CNTN5: variants seen among roughly 807,000 people sequenced by gnomAD.
CNTN5 encodes contactin-5.
A neutral mutation model predicts 129.1 loss-of-function variants in CNTN5; 77 were observed. That is an observed-to-expected ratio of 0.60 (90% confidence interval 0.50 to 0.72). The LOEUF is 0.72. Among genes scored for constraint, CNTN5 ranks in the 30% least tolerant of loss-of-function variants. The pLI, the probability that CNTN5 is intolerant of heterozygous loss-of-function variation, is 0.00. For missense variants in CNTN5, 1,478 were observed against 1,328.8 expected (o/e 1.11, Z -1.75); for synonymous variants, 509 against 465.6 (o/e 1.09, Z -1.20).
chr11:99,890,757 G>C (rs912438446), intron 6 of CNTN5, among the ~76,000 whole-genome samples: 4 of 152,106 alleles, frequency 2.6e-5, no homozygotes, highest in African/African-American at 4.8e-5. Flanking sequence ...CGGAAAAAGG[G>C]AAAAGGAATA....
chr11:100,138,617 A>G (rs942516093), intron 13 of CNTN5, among the ~76,000 whole-genome samples: 5 of 152,070 alleles, frequency 3.3e-5, no homozygotes, highest in African/African-American at 1.2e-4. Context: ...AGTGATGGGG[A>G]GAGCGGTAGG....
Position 99,465,956 on chromosome 11 carries a change from A to G in CNTN5, c.-70-90189A>G, listed in dbSNP as rs1054145763. ...GAGTGCAGTGGTGCGATCTCGGCTC[A>G]CTGCAAGCTCCGCCTCCTGGGTTCA... On this transcript the variant is annotated intron_variant, in intron 2 of 24. Coordinates refer to ENST00000524871, the MANE Select transcript of CNTN5 (RefSeq NM_014361.4). Among the ~76,000 whole-genome samples, 7 of 140,040 alleles carry G rather than the reference A, an allele frequency of 5.0e-5. 1 individual carries two copies. In the South Asian group the frequency reaches 6.5e-4, roughly 13 times the overall value. 91.9% of individuals were successfully genotyped at this position (140,040 alleles called of 152,430 possible).
chr11:99,542,890 C>G (rs1948162976), intron 2 of CNTN5, among the ~76,000 whole-genome samples: 1 of 152,234 alleles, frequency 6.6e-6, no homozygotes, highest in African/African-American at 2.4e-5. Flanking sequence ...TGGCAGCTCA[C>G]TGCTCCCTTT....
chr11:99,238,371 T>G (rs1484853793), intron 1 of CNTN5, among the ~76,000 whole-genome samples: 2 of 152,176 alleles, frequency 1.3e-5, no homozygotes, highest in African/African-American at 2.4e-5. Flanking sequence ...TGGCATAAAA[T>G]GCAATCTGAA....
chr11:99,344,319 C>T (rs1414924198), intron 2 of CNTN5, among the ~76,000 whole-genome samples: 1 of 151,998 alleles, frequency 6.6e-6, no homozygotes, highest in Non-Finnish European at 1.5e-5. Context: ...CCTTAGTTAA[C>T]TGAAAAGAAT....
intron 3 of CNTN5, among the ~76,000 whole-genome samples, chr11:99,742,516 T>A (rs1943918413): frequency 1.3e-5 from 2 of 152,130 alleles, no homozygotes; most frequent in Admixed American, 1.3e-4. Context: ...AGAGTTGTGG[T>A]AAGAAGGAGG....
At chr11:100,341,295 T>G in intron 23 of CNTN5, 90 bp downstream of exon 23, 1 of 875,112 alleles carries the variant, frequency 1.1e-6, no homozygotes, top group Non-Finnish European at 1.9e-6. Flanking sequence ...AAAAGACCCA[T>G]TAACCAACCT....
chr11:99,409,541 G>A (rs1376197286), intron 2 of CNTN5, among the ~76,000 whole-genome samples: 1 of 152,206 alleles, frequency 6.6e-6, no homozygotes, highest in Non-Finnish European at 1.5e-5. Context: ...CTTTTTGAGA[G>A]GTTAAAGATC....
At chr11:99,656,763 A>G (rs929408587) in intron 3 of CNTN5, among the ~76,000 whole-genome samples, 3 of 152,102 alleles carry the variant, frequency 2.0e-5, no homozygotes, top group African/African-American at 7.2e-5. Context: ...GAGATCAGCA[A>G]ATGACCACAG....
At chr11:99,878,976 G>C (rs767875488) in intron 6 of CNTN5, among the ~76,000 whole-genome samples, 10 of 151,938 alleles carry the variant, frequency 6.6e-5, no homozygotes, top group Non-Finnish European at 1.2e-4. Flanking sequence ...TCTGTCGCTC[G>C]CGCTGGAGTA....
At chr11:99,145,689 C>T (rs1254644024) in intron 1 of CNTN5, among the ~76,000 whole-genome samples, 1 of 152,056 alleles carries the variant, frequency 6.6e-6, no homozygotes, top group Non-Finnish European at 1.5e-5. Flanking sequence ...AGGTAAAAGA[C>T]ATGTCAGCTC....
chr11:99,378,785 T>G (rs563472587), intron 2 of CNTN5, among the ~76,000 whole-genome samples: 23 of 152,262 alleles, frequency 1.5e-4, no homozygotes, highest in African/African-American at 5.3e-4. Context: ...ATAGGTTCAC[T>G]GCAATTAAAT....
At chr11:99,773,284 A>C (rs2135346649) in intron 3 of CNTN5, among the ~76,000 whole-genome samples, 1 of 152,234 alleles carries the variant, frequency 6.6e-6, no homozygotes, top group East Asian at 1.9e-4. Flanking sequence ...CACCAGTGCA[A>C]ATCCCCAAAG....
chr11:99,155,631 G>C (rs981383293), intron 1 of CNTN5, among the ~76,000 whole-genome samples: 1 of 151,814 alleles, frequency 6.6e-6, no homozygotes, highest in Admixed American at 6.6e-5. Flanking sequence ...AAATTTTATT[G>C]TTGCTAGGCT....
At chr11:99,781,582 C>G (rs1174016419) in intron 3 of CNTN5, among the ~76,000 whole-genome samples, 1 of 151,970 alleles carries the variant, frequency 6.6e-6, no homozygotes, top group Non-Finnish European at 1.5e-5. Flanking sequence ...TCTCCTGACC[C>G]TATTTGCAAG....
At chr11:99,729,912 CAG>C (rs1943474458) in intron 3 of CNTN5, among the ~76,000 whole-genome samples, 1 of 152,056 alleles carries the variant, frequency 6.6e-6, no homozygotes, top group East Asian at 1.9e-4. Flanking sequence ...GGTGGTGGTA[CAG>C]AGAGGGAGAG....
intron 4 of CNTN5, among the ~76,000 whole-genome samples, chr11:99,820,136 T>G (rs1012090589): frequency 8.1e-6 from 1 of 122,794 alleles, no homozygotes. Context: ...CAAGAGCCTG[T>G]GTTGGTTGTA....
chr11:99,822,012 T>A (rs1946816612), intron 4 of CNTN5, among the ~76,000 whole-genome samples: 1 of 152,208 alleles, frequency 6.6e-6, no homozygotes, highest in Non-Finnish European at 1.5e-5. Context: ...GACTTTGAGT[T>A]CTTTTTCTCT....
At chr11:99,318,208 C>T (rs1361383182) in intron 1 of CNTN5, among the ~76,000 whole-genome samples, 5 of 152,120 alleles carry the variant, frequency 3.3e-5, no homozygotes, top group African/African-American at 1.2e-4. Context: ...GCCAAAAGGA[C>T]AGAAGAAAGT....
Sources: allele counts gnomAD v4.1 joint callset (sites outside exome capture counted in the v4.1 genomes callset), GRCh38; gene constraint gnomAD v4.1.1; transcripts MANE v1.5; gene names NCBI Gene and HGNC (gene_info 2026-07-23, HGNC 2026-07-21).